Variants in CSMD1 observed in about 807,000 individuals in gnomAD.
CSMD1 encodes CUB and Sushi multiple domains 1, also known as CUB and sushi domain-containing protein 1.
In CSMD1, 213 loss-of-function variants were observed where a neutral mutation model predicts 417.5. That is an observed-to-expected ratio of 0.51 (90% CI 0.46 to 0.57). The LOEUF (loss-of-function observed/expected upper bound fraction) is 0.57. CSMD1 is among the 20% of genes least tolerant of loss of function. The probability of loss-of-function intolerance (pLI) is 0.00; values close to 1 mark genes in which losing one functional copy is unlikely to be tolerated. For missense variants in CSMD1, 6,923 were observed against 4,529.7 expected (o/e 1.53, Z -15.17); for synonymous variants, 2,862 against 1,736.8 (o/e 1.65, Z -16.11).
At chr8:3,733,049 G>A (rs1487194818) in intron 6 of CSMD1, among the ~76,000 whole-genome samples, 4 of 151,848 alleles carry the variant, frequency 2.6e-5, no homozygotes, top group African/African-American at 4.8e-5. Context: ...TATGTCAGCC[G>A]AAGTAAATGC....
intron 2 of CSMD1, among the ~76,000 whole-genome samples, chr8:4,602,468 T>C (rs558757692): frequency 3.3e-5 from 5 of 152,338 alleles, no homozygotes; most frequent in Admixed American, 6.5e-5. Flanking sequence ...CCTTATTTAA[T>C]ATGGCCAGAG....
intron 3 of CSMD1, among the ~76,000 whole-genome samples, chr8:4,068,104 G>C (rs558748596): frequency 1.3e-5 from 2 of 152,118 alleles, no homozygotes; most frequent in Non-Finnish European, 2.9e-5. Context: ...GAAAAAAAGG[G>C]ACACAACAGT....
chr8:4,836,929 G>A (rs77464391), intron 1 of CSMD1, among the ~76,000 whole-genome samples: 1 of 152,044 alleles, frequency 6.6e-6, no homozygotes, highest in African/African-American at 2.4e-5. Context: ...AGTTCTAATG[G>A]GAAACCTCCA....
intron 21 of CSMD1, among the ~76,000 whole-genome samples, chr8:3,358,934 T>C (rs546085949): frequency 2.0e-5 from 3 of 152,234 alleles, no homozygotes; most frequent in East Asian, 3.9e-4. Context: ...AATCATAAAA[T>C]TTCAGAGCTG....
At chr8:4,178,539 C>T (rs1487641957) in intron 3 of CSMD1, among the ~76,000 whole-genome samples, 2 of 151,268 alleles carry the variant, frequency 1.3e-5, no homozygotes, top group Non-Finnish European at 2.9e-5. Context: ...GATGCCCTCT[C>T]TCACCACTCC....
intron 1 of CSMD1, among the ~76,000 whole-genome samples, chr8:4,763,195 G>C (rs1176910230): frequency 6.6e-6 from 1 of 152,220 alleles, no homozygotes; most frequent in Non-Finnish European, 1.5e-5. Context: ...TCTGGGGGTA[G>C]AATTGACTTC....
At chr8:3,815,672 C>T (rs1463387183) in intron 5 of CSMD1, among the ~76,000 whole-genome samples, 3 of 151,202 alleles carry the variant, frequency 2.0e-5, no homozygotes, top group African/African-American at 7.3e-5. Flanking sequence ...AATATCCTCC[C>T]AGTCTCTTAT....
intron 6 of CSMD1, among the ~76,000 whole-genome samples, chr8:3,741,707 T>G (rs1472369753): frequency 6.6e-6 from 1 of 152,204 alleles, no homozygotes; most frequent in East Asian, 1.9e-4. Context: ...AAATTTCTCC[T>G]CTCTGAGTGC....
intron 3 of CSMD1, among the ~76,000 whole-genome samples, chr8:4,354,369 C>T (rs1026921654): frequency 1.2e-4 from 18 of 152,110 alleles, no homozygotes; most frequent in African/African-American, 3.9e-4. Flanking sequence ...TATTCACAAA[C>T]CTGGTCATTT....
At chr8:4,322,408 C>T (rs1203643616) in intron 3 of CSMD1, among the ~76,000 whole-genome samples, 1 of 152,008 alleles carries the variant, frequency 6.6e-6, no homozygotes, top group African/African-American at 2.4e-5. Context: ...CACCTATTAG[C>T]AAGGTGACTA....
intron 6 of CSMD1, among the ~76,000 whole-genome samples, chr8:3,724,061 T>C (rs4398945): frequency 0.41 from 39,270 of 95,218 alleles, 6,609 homozygotes; most frequent in South Asian, 0.62. Context: ...ACAGATTTTG[T>C]TCATTGACTT....
Position 4,320,579 on chromosome 8 carries a change from A to G in CSMD1, c.415+99374T>C, listed in dbSNP as rs533057990. Among the ~76,000 whole-genome samples, 4 of 151,570 alleles carry G rather than the reference A, an allele frequency of 2.6e-5. No individual in the cohort carries two copies. The East Asian group carries it at 5.8e-4, about 22-fold the overall frequency. On this transcript the variant is annotated intron_variant, in intron 3 of 69. Coordinates refer to ENST00000635120, the MANE Select transcript of CSMD1 (RefSeq NM_033225.6). The stretch of plus-strand genomic sequence containing the variant: ...TGTGTCCATGTGTTCTCTTTGTTCA[A>G]CTCCCACTTATGAGTGAGAACATGC...
intron 10 of CSMD1, among the ~76,000 whole-genome samples, chr8:3,572,687 A>G (rs1563165260): frequency 6.6e-6 from 1 of 152,176 alleles, no homozygotes; most frequent in African/African-American, 2.4e-5. Flanking sequence ...TATTTTGAAA[A>G]TGTCGCAATG....
intron 3 of CSMD1, among the ~76,000 whole-genome samples, chr8:4,118,421 A>C (rs1005677664): frequency 6.6e-6 from 1 of 152,120 alleles, no homozygotes; most frequent in Non-Finnish European, 1.5e-5. Context: ...AAAATCAAAA[A>C]GTATACAAAG....
intron 3 of CSMD1, among the ~76,000 whole-genome samples, chr8:4,123,755 G>A (rs1227816298): frequency 2.0e-5 from 3 of 152,136 alleles, no homozygotes; most frequent in East Asian, 1.9e-4. Context: ...TGTTTATGCT[G>A]TGATAATTTA....
At chr8:4,789,149 T>C (rs570807492) in intron 1 of CSMD1, among the ~76,000 whole-genome samples, 5 of 152,308 alleles carry the variant, frequency 3.3e-5, no homozygotes, top group African/African-American at 9.6e-5. Flanking sequence ...GAAAATGAAA[T>C]ACAATGTTGT....
At chr8:4,459,451 C>A (rs1176266526) in intron 2 of CSMD1, among the ~76,000 whole-genome samples, 1 of 152,086 alleles carries the variant, frequency 6.6e-6, no homozygotes, top group African/African-American at 2.4e-5. Flanking sequence ...GAGATTTTTC[C>A]CAAGAGGAGA....
chr8:3,855,675 A>G (rs923423900), intron 5 of CSMD1, among the ~76,000 whole-genome samples: 1 of 152,140 alleles, frequency 6.6e-6, no homozygotes, highest in Non-Finnish European at 1.5e-5. Flanking sequence ...ATTAATCATA[A>G]CTGTTATTTA....
At chr8:4,835,159 G>A (rs199632812) in intron 1 of CSMD1, among the ~76,000 whole-genome samples, 3 of 151,880 alleles carry the variant, frequency 2.0e-5, no homozygotes, top group Non-Finnish European at 2.9e-5. Flanking sequence ...AGATGGACCC[G>A]AGAAGGTTGG....
Sources: gnomAD v4.1 joint callset for allele counts (sites outside exome capture counted in the v4.1 genomes callset) on GRCh38, gnomAD v4.1.1 for gene constraint, MANE v1.5 for transcripts, NCBI Gene and HGNC (gene_info 2026-07-23, HGNC 2026-07-21) for gene names.